CSMD1: variants seen among roughly 807,000 people sequenced by gnomAD.
CSMD1 encodes the protein CUB and sushi domain-containing protein 1.
CSMD1 carries 213 observed loss-of-function variants against 417.5 expected under a neutral mutation model. The observed-to-expected ratio is 0.51, with a 90% confidence interval of 0.46 to 0.57. The LOEUF is 0.57. CSMD1 is among the 20% of genes least tolerant of loss of function. CSMD1 has a pLI of 0.00. For missense variants in CSMD1, 6,923 were observed against 4,529.7 expected (o/e 1.53, Z -15.17); for synonymous variants, 2,862 against 1,736.8 (o/e 1.65, Z -16.11).
chr8:2,989,039 G>T lies in CSMD1; in HGVS notation c.8377+8972C>A, dbSNP rs529674233. 2.0e-5 allele frequency among the ~76,000 whole-genome samples: 3 copies of T among 152,280 alleles called. No homozygotes were observed. The South Asian group carries it at 6.2e-4, about 32-fold the overall frequency. On this transcript the variant is annotated intron_variant, in intron 54 of 69. Transcript: ENST00000635120. ...CCAGATTACACACTTGAGAATCTTA[G>T]GAAGTAGTTAGGAAAAGAATGCAAA...
At chr8:4,123,056 T>C (rs938774454) in intron 3 of CSMD1, among the ~76,000 whole-genome samples, 6 of 152,208 alleles carry the variant, frequency 3.9e-5, no homozygotes, top group African/African-American at 1.2e-4. Flanking sequence ...TGTTTAATTA[T>C]TAAAAGCTTT....
chr8:3,856,901 A>C (rs1043599301), intron 5 of CSMD1, among the ~76,000 whole-genome samples: 2 of 152,168 alleles, frequency 1.3e-5, no homozygotes, highest in Admixed American at 1.3e-4. Context: ...GTAACTACTC[A>C]GACTGGAGGT....
chr8:4,641,763 G>A (rs1017923466), intron 1 of CSMD1, among the ~76,000 whole-genome samples: 1 of 151,992 alleles, frequency 6.6e-6, no homozygotes, highest in Admixed American at 6.6e-5. Context: ...AAAATAAAAT[G>A]GTGAGTAAAT....
At chr8:3,656,118 G>A (rs555171739) in intron 7 of CSMD1, among the ~76,000 whole-genome samples, 29 of 152,304 alleles carry the variant, frequency 1.9e-4, no homozygotes, top group Admixed American at 1.1e-3. Flanking sequence ...CATGGGGTGC[G>A]CAGTGAACTC....
chr8:2,975,081 G>A (rs1216916038), intron 55 of CSMD1, among the ~76,000 whole-genome samples: 1 of 152,112 alleles, frequency 6.6e-6, no homozygotes, highest in Non-Finnish European at 1.5e-5. Flanking sequence ...TAATCTTCAA[G>A]CTCACATGTC....
chr8:3,866,401 T>A (rs1217389476), intron 5 of CSMD1, among the ~76,000 whole-genome samples: 2 of 152,224 alleles, frequency 1.3e-5, no homozygotes, highest in Admixed American at 1.3e-4. Context: ...TTAGCTCATA[T>A]GGTTTAGTAA....
intron 3 of CSMD1, among the ~76,000 whole-genome samples, chr8:4,388,451 G>C (rs1479294702): frequency 6.6e-6 from 1 of 150,830 alleles, no homozygotes; most frequent in Admixed American, 6.6e-5. Flanking sequence ...AGTAACTCAG[G>C]AATGAAAAAC....
At chr8:4,496,569 T>C (rs1349162562) in intron 2 of CSMD1, among the ~76,000 whole-genome samples, 1 of 152,206 alleles carries the variant, frequency 6.6e-6, no homozygotes, top group Non-Finnish European at 1.5e-5. Context: ...CCTCGCCTCC[T>C]GCCTTCTCTC....
chr8:4,961,014 C>T (rs1054463906), intron 1 of CSMD1, among the ~76,000 whole-genome samples: 9 of 152,100 alleles, frequency 5.9e-5, no homozygotes, highest in Admixed American at 2.6e-4. Context: ...GCATTTTACT[C>T]TCTTACAGAA....
intron 2 of CSMD1, among the ~76,000 whole-genome samples, chr8:4,468,988 CT>C: frequency 6.6e-6 from 1 of 152,238 alleles, no homozygotes; most frequent in East Asian, 1.9e-4. Context: ...GTATAGTTCT[CT>C]TATCAGAGAC....
chr8:4,903,838 C>T (rs1211271314), intron 1 of CSMD1, among the ~76,000 whole-genome samples: 1 of 152,140 alleles, frequency 6.6e-6, no homozygotes, highest in Non-Finnish European at 1.5e-5. Context: ...CCAAGAAGTA[C>T]TTCCCATCCC....
intron 3 of CSMD1, among the ~76,000 whole-genome samples, chr8:4,365,808 G>A (rs561054776): frequency 6.6e-6 from 1 of 151,976 alleles, no homozygotes; most frequent in East Asian, 1.9e-4. Context: ...ACCCTCCAGA[G>A]GTTTTGATCT....
intron 6 of CSMD1, among the ~76,000 whole-genome samples, chr8:3,727,601 A>C (rs1317662960): frequency 2.0e-5 from 3 of 152,240 alleles, no homozygotes; most frequent in East Asian, 1.9e-4. Context: ...ATGATACTGC[A>C]ATTCGACTTT....
chr8:4,730,597 C>T (rs755432316), intron 1 of CSMD1, among the ~76,000 whole-genome samples: 7 of 151,928 alleles, frequency 4.6e-5, no homozygotes, highest in East Asian at 1.9e-4. Flanking sequence ...AAAAATTAGC[C>T]GGGCGTGGTG....
chr8:4,568,926 G>A (rs1036251466), intron 2 of CSMD1, among the ~76,000 whole-genome samples: 1 of 152,104 alleles, frequency 6.6e-6, no homozygotes, highest in Non-Finnish European at 1.5e-5. Flanking sequence ...CTTCTTTTGA[G>A]AAGTGTCTGT....
chr8:4,702,023 C>A (rs539283896), intron 1 of CSMD1, among the ~76,000 whole-genome samples: 2 of 152,184 alleles, frequency 1.3e-5, no homozygotes, highest in African/African-American at 4.8e-5. Flanking sequence ...AAACCAAACA[C>A]CGCATCTTCT....
chr8:4,582,004 C>G (rs879109888), intron 2 of CSMD1, among the ~76,000 whole-genome samples: 2 of 151,950 alleles, frequency 1.3e-5, no homozygotes, highest in African/African-American at 4.8e-5. Context: ...TCTCAGTAGC[C>G]TACGATGATG....
At chr8:3,270,002 G>C (rs1210593686) in intron 26 of CSMD1, among the ~76,000 whole-genome samples, 1 of 150,438 alleles carries the variant, frequency 6.6e-6, no homozygotes, top group Non-Finnish European at 1.5e-5. Context: ...CATGCACGTA[G>C]ACATGAAGCA....
intron 1 of CSMD1, among the ~76,000 whole-genome samples, chr8:4,975,197 G>A (rs1216064241): frequency 6.6e-6 from 1 of 152,090 alleles, no homozygotes. Context: ...TCACCACGGT[G>A]ACTTTTCTTT....
Sources: allele counts gnomAD v4.1 joint callset (sites outside exome capture counted in the v4.1 genomes callset), GRCh38; gene constraint gnomAD v4.1.1; transcripts MANE v1.5; gene names NCBI Gene and HGNC (gene_info 2026-07-23, HGNC 2026-07-21).